Variants in DOCK1 observed in about 807,000 individuals in gnomAD.
DOCK1 encodes the protein dedicator of cytokinesis 1.
A neutral mutation model predicts 262.7 loss-of-function variants in DOCK1; 138 were observed. That is an observed-to-expected ratio of 0.53 (90% CI 0.46 to 0.61). The LOEUF (loss-of-function observed/expected upper bound fraction) is 0.61. DOCK1 is among the 20% of genes least tolerant of loss of function. DOCK1 has a pLI of 0.00. For missense variants in DOCK1, 1,908 were observed against 2,370.7 expected (o/e 0.80, Z 4.05); for synonymous variants, 866 against 867.4 (o/e 1.00, Z 0.03).
chr10:127,419,608 T>C, intron 45 of DOCK1, 58 bp from the exon 46 acceptor site: 1 of 1,492,978 alleles, frequency 6.7e-7, no homozygotes, highest in African/African-American at 1.4e-5. Flanking sequence ...ACAGTAAGTG[T>C]GCAAAAACCT....
chr10:126,955,621 C>G (rs2134459161), intron 1 of DOCK1, among the ~76,000 whole-genome samples: 1 of 152,152 alleles, frequency 6.6e-6, no homozygotes, highest in South Asian at 2.1e-4. Context: ...AAAGGTGGTT[C>G]CCAGAAGGCC....
intron 23 of DOCK1, among the ~76,000 whole-genome samples, chr10:127,082,316 C>T (rs2046950612): frequency 6.6e-6 from 1 of 152,078 alleles, no homozygotes; most frequent in African/African-American, 2.4e-5. Flanking sequence ...AGTCTATTCT[C>T]ACGCTGCCAA....
intron 27 of DOCK1, among the ~76,000 whole-genome samples, chr10:127,229,229 A>C (rs1312567288): frequency 6.6e-6 from 1 of 152,174 alleles, no homozygotes; most frequent in Non-Finnish European, 1.5e-5. Context: ...ATCTCAAAAC[A>C]AAACAAAACC....
chr10:126,939,613 G>C lies in DOCK1; in HGVS notation c.47-31089G>C, dbSNP rs1332471655. 2.0e-5 allele frequency among the ~76,000 whole-genome samples: 3 copies of C among 152,054 alleles called. No homozygotes were observed. In the South Asian group the frequency reaches 6.2e-4, roughly 32 times the overall value. ...TCACCTCAGGTGATCCTCCTGCCTC[G>C]GCCTCCCAGAGTGCTGGGATTACAG... On this transcript the variant is annotated intron_variant, in intron 1 of 51. Coordinates refer to ENST00000623213, the MANE Select transcript of DOCK1 (RefSeq NM_001290223.2).
intron 1 of DOCK1, among the ~76,000 whole-genome samples, chr10:126,964,264 C>G (rs1385496506): frequency 6.6e-6 from 1 of 152,202 alleles, no homozygotes; most frequent in Non-Finnish European, 1.5e-5. Flanking sequence ...GGAGACCTAG[C>G]TTAGGCTGAT....
At chr10:127,166,102 G>T (rs1010738859) in intron 27 of DOCK1, among the ~76,000 whole-genome samples, 5 of 152,052 alleles carry the variant, frequency 3.3e-5, no homozygotes, top group African/African-American at 1.2e-4. Context: ...GTCTCGCTCT[G>T]TAGCGTAGGC....
At chr10:127,350,046 C>G (rs1157765327) in intron 31 of DOCK1, among the ~76,000 whole-genome samples, 1 of 152,126 alleles carries the variant, frequency 6.6e-6, no homozygotes, top group African/African-American at 2.4e-5. Flanking sequence ...ACAATCCAAC[C>G]CACACTAGTC....
intron 27 of DOCK1, among the ~76,000 whole-genome samples, chr10:127,215,311 G>A (rs948397398): frequency 6.6e-5 from 10 of 151,998 alleles, no homozygotes; most frequent in Non-Finnish European, 1.5e-4. Context: ...CACTGGCCTC[G>A]GGTTTCCTGC....
Position 127,068,906 on chromosome 10 carries a change from T to C in DOCK1, c.2445+7130T>C, listed in dbSNP as rs577625368. ...TTTTGAAAGGTTACACATTGCCTCA[T>C]GGCTGTATGATAACTTACTTAACCA... On this transcript the variant is annotated intron_variant, in intron 23 of 51. Coordinates refer to ENST00000623213, the MANE Select transcript of DOCK1 (RefSeq NM_001290223.2). 3.4e-4 allele frequency among the ~76,000 whole-genome samples: 52 copies of C among 152,356 alleles called. No homozygotes were observed. The South Asian group carries it at 0.011, about 31-fold the overall frequency.
intron 27 of DOCK1, among the ~76,000 whole-genome samples, chr10:127,242,887 T>C (rs2059310048): frequency 2.0e-5 from 3 of 152,170 alleles, no homozygotes; most frequent in Admixed American, 6.5e-5. Context: ...TCTCCTTTTA[T>C]TGAAACCGGG....
chr10:127,408,373 C>T (rs561332136), intron 40 of DOCK1, among the ~76,000 whole-genome samples: 7 of 152,302 alleles, frequency 4.6e-5, no homozygotes, highest in African/African-American at 1.7e-4. Flanking sequence ...ATGACCTGCA[C>T]ACACATTCTG....
chr10:127,332,376 G>C (rs954933616), intron 29 of DOCK1, among the ~76,000 whole-genome samples: 1 of 152,160 alleles, frequency 6.6e-6, no homozygotes, highest in Non-Finnish European at 1.5e-5. Flanking sequence ...GAAAAGAAAG[G>C]GAATCTTGGA....
In DOCK1 at chr10:126,908,932, C is replaced by G. The variant is rs139057052; in HGVS notation, c.46+3369C>G. On this transcript the variant is annotated intron_variant, in intron 1 of 51. Coordinates refer to ENST00000623213, the MANE Select transcript of DOCK1 (RefSeq NM_001290223.2). ...CACACGTGAGGACCATGTGCTCACT[C>G]ACTCACATCTCAACAATGGTGTTGA... Among the ~76,000 whole-genome samples, 1,472 of 152,296 alleles carry G rather than the reference C, an allele frequency of 9.7e-3. 12 individuals are homozygous for G. Among genetic ancestry groups the G allele is most frequent in the Non-Finnish European group, 0.014 (967 of 68,014 alleles).
intron 28 of DOCK1, among the ~76,000 whole-genome samples, chr10:127,255,217 T>C (rs1402678763): frequency 6.6e-6 from 1 of 151,982 alleles, no homozygotes; most frequent in Non-Finnish European, 1.5e-5. Flanking sequence ...CTGGGTAATA[T>C]AGCAAGATGC....
intron 10 of DOCK1, chr10:127,001,449 G>T (rs1031992608): frequency 8.5e-5 from 13 of 152,128 alleles, no homozygotes; most frequent in African/African-American, 2.4e-4. Context: ...TTGGTGAACC[G>T]CATTGACACA....
At chr10:127,186,054 A>G (rs1589834724) in intron 27 of DOCK1, among the ~76,000 whole-genome samples, 1 of 152,188 alleles carries the variant, frequency 6.6e-6, no homozygotes, top group African/African-American at 2.4e-5. Flanking sequence ...AACGTTTTAG[A>G]GCATGGCACC....
intron 3 of DOCK1, among the ~76,000 whole-genome samples, chr10:126,979,946 A>G (rs530262100): frequency 1.3e-5 from 2 of 152,152 alleles, no homozygotes; most frequent in East Asian, 3.9e-4. Flanking sequence ...TCACTCAGTC[A>G]TTATCCTTCC....
intron 29 of DOCK1, among the ~76,000 whole-genome samples, chr10:127,268,713 G>C (rs1394703845): frequency 6.6e-6 from 1 of 152,032 alleles, no homozygotes; most frequent in Non-Finnish European, 1.5e-5. Context: ...CCGAGAATTG[G>C]AGGTGGTTTC....
intron 1 of DOCK1, among the ~76,000 whole-genome samples, chr10:126,963,652 T>TTCCCTCCTTCCTTCCTTCCCTCCC (rs1189083286): frequency 9.7e-6 from 1 of 102,864 alleles, no homozygotes; most frequent in Non-Finnish European, 2.1e-5. Context: ...CCTTCCTTCC[T>TTCCCTCCTTCCTTCCTTCCCTCCC]TCCTTCCTTC....
Sources: gnomAD v4.1 joint callset for allele counts (sites outside exome capture counted in the v4.1 genomes callset) on GRCh38, gnomAD v4.1.1 for gene constraint, MANE v1.5 for transcripts, NCBI Gene and HGNC (gene_info 2026-07-23, HGNC 2026-07-21) for gene names.